RBFOX1: variants seen among roughly 807,000 people sequenced by gnomAD.
RBFOX1 encodes RNA binding protein fox-1 homolog 1.
RBFOX1 carries 8 observed loss-of-function variants against 57.7 expected under a neutral mutation model. The observed-to-expected ratio is 0.14, with a 90% CI of 0.08 to 0.25. The LOEUF is 0.25. RBFOX1 is among the 10% of genes least tolerant of loss of function. The pLI, the probability that RBFOX1 is intolerant of heterozygous loss-of-function variation, is 1.00. For missense variants in RBFOX1, 611 were observed against 548.5 expected (o/e 1.11, Z -1.14); for synonymous variants, 326 against 222.4 (o/e 1.47, Z -4.15).
chr16:6,787,137 C>G (rs995640407), intron 3 of RBFOX1, among the ~76,000 whole-genome samples: 7 of 152,158 alleles, frequency 4.6e-5, no homozygotes, highest in African/African-American at 1.7e-4. Context: ...ATTGAGTGCT[C>G]TCCAAGAAAC....
chr16:5,908,808 G>A (rs1422166906), intron 4 of RBFOX1, among the ~76,000 whole-genome samples: 2 of 151,960 alleles, frequency 1.3e-5, no homozygotes, highest in Non-Finnish European at 2.9e-5. Flanking sequence ...ATGTTCAGAG[G>A]TGGGGCCTTT....
chr16:5,494,362 G>A (rs760459546), intron 2 of RBFOX1, among the ~76,000 whole-genome samples: 5 of 152,230 alleles, frequency 3.3e-5, no homozygotes, highest in Admixed American at 6.5e-5. Context: ...ACTCTGACCT[G>A]CATGTGTCAG....
intron 3 of RBFOX1, among the ~76,000 whole-genome samples, chr16:6,857,086 G>C (rs533407308): frequency 6.6e-6 from 1 of 152,130 alleles, no homozygotes; most frequent in Non-Finnish European, 1.5e-5. Flanking sequence ...CTTATTTGTT[G>C]TGAAGTGATT....
intron 2 of RBFOX1, among the ~76,000 whole-genome samples, chr16:6,566,292 C>T (rs527450041): frequency 3.9e-5 from 6 of 152,182 alleles, no homozygotes; most frequent in Admixed American, 1.3e-4. Context: ...TGGCGAACAG[C>T]TATGCCTAAT....
intron 10 of RBFOX1, among the ~76,000 whole-genome samples, chr16:7,622,218 G>T (rs758253673): frequency 9.9e-5 from 15 of 151,588 alleles, no homozygotes; most frequent in Non-Finnish European, 2.1e-4. Context: ...CACGAGATCT[G>T]TGTCACCTCA....
intron 3 of RBFOX1, among the ~76,000 whole-genome samples, chr16:6,789,566 C>A (rs984578923): frequency 6.6e-6 from 1 of 152,198 alleles, no homozygotes; most frequent in African/African-American, 2.4e-5. Flanking sequence ...GCGCCATTTT[C>A]TGTATCCATA....
chr16:5,838,292 C>T (rs1320014441), intron 3 of RBFOX1: 2 of 223,052 alleles, frequency 9.0e-6, no homozygotes, highest in Admixed American at 5.4e-5. Context: ...GGGTGGCGGC[C>T]TGCCTCTTTC....
intron 3 of RBFOX1, among the ~76,000 whole-genome samples, chr16:5,830,097 G>C (rs989039314): frequency 6.6e-6 from 1 of 152,194 alleles, no homozygotes. Context: ...GGATTGTCTA[G>C]CATCCATCTT....
intron 4 of RBFOX1, among the ~76,000 whole-genome samples, chr16:7,337,760 T>C (rs1233920221): frequency 6.6e-6 from 1 of 151,996 alleles, no homozygotes; most frequent in Non-Finnish European, 1.5e-5. Context: ...TCTCGGCTCA[T>C]TGCAACCTCC....
chr16:7,646,763 T>G (rs1193030488), intron 11 of RBFOX1, among the ~76,000 whole-genome samples: 1 of 152,224 alleles, frequency 6.6e-6, no homozygotes, highest in African/African-American at 2.4e-5. Context: ...AATATGCAGT[T>G]TATAACCCTC....
chr16:6,535,071 G>A (rs572946492), intron 2 of RBFOX1, among the ~76,000 whole-genome samples: 2 of 152,296 alleles, frequency 1.3e-5, no homozygotes, highest in South Asian at 4.1e-4. Flanking sequence ...CAAAAGCCAG[G>A]TTGGGACCAT....
intron 4 of RBFOX1, among the ~76,000 whole-genome samples, chr16:7,368,483 TA>T (rs1011336158): frequency 1.5e-4 from 22 of 150,944 alleles, no homozygotes; most frequent in Admixed American, 4.6e-4. Flanking sequence ...TAATTCACTT[TA>T]AAAAAAAATT....
intron 2 of RBFOX1, among the ~76,000 whole-genome samples, chr16:6,556,616 CTGAGA>C (rs1378863103): frequency 6.6e-6 from 1 of 152,016 alleles, no homozygotes; most frequent in Non-Finnish European, 1.5e-5. Context: ...AATATATAGC[CTGAGA>C]TAAGATGGCA....
At chr16:6,387,974 ATTTTT>A (rs61603572) in intron 2 of RBFOX1, among the ~76,000 whole-genome samples, 16 of 84,148 alleles carry the variant, frequency 1.9e-4, no homozygotes, top group Admixed American at 3.1e-4. Context: ...TTTGTGGAAC[ATTTTT>A]TTTTTTTTTT....
chr16:7,373,699 G>C (rs528263814), intron 4 of RBFOX1, among the ~76,000 whole-genome samples: 1 of 152,228 alleles, frequency 6.6e-6, no homozygotes, highest in Non-Finnish European at 1.5e-5. Context: ...GCAATGGTCA[G>C]TTATTGAAGT....
At chr16:6,495,029 T>C (rs1045998195) in intron 2 of RBFOX1, among the ~76,000 whole-genome samples, 4 of 152,324 alleles carry the variant, frequency 2.6e-5, no homozygotes, top group East Asian at 3.9e-4. Context: ...CCCAAGATTA[T>C]ACAGTCATCA....
intron 1 of RBFOX1, among the ~76,000 whole-genome samples, chr16:6,287,162 A>G (rs1252461504): frequency 6.6e-6 from 1 of 152,128 alleles, no homozygotes; most frequent in Non-Finnish European, 1.5e-5. Context: ...AGGCACAAAA[A>G]ACTCCATTTG....
At chr16:6,487,101 G>C (rs2095500060) in intron 2 of RBFOX1, among the ~76,000 whole-genome samples, 1 of 151,620 alleles carries the variant, frequency 6.6e-6, no homozygotes. Flanking sequence ...GCTAAATAAA[G>C]TTTCTATGAA....
intron 3 of RBFOX1, among the ~76,000 whole-genome samples, chr16:6,911,703 C>T (rs1596995538): frequency 6.6e-6 from 1 of 152,144 alleles, no homozygotes; most frequent in Non-Finnish European, 1.5e-5. Flanking sequence ...TTCTTTTTAC[C>T]TGCTATTTAA....
Sources: allele counts gnomAD v4.1 joint callset (sites outside exome capture counted in the v4.1 genomes callset), GRCh38; gene constraint gnomAD v4.1.1; transcripts MANE v1.5; gene names NCBI Gene and HGNC (gene_info 2026-07-23, HGNC 2026-07-21).